ATG2B: variants seen among roughly 807,000 people sequenced by gnomAD.
The protein encoded by ATG2B is autophagy-related protein 2 homolog B.
A neutral mutation model predicts 241.3 loss-of-function variants in ATG2B; 121 were observed. The ratio of observed to expected loss-of-function variants is 0.50; its 90% CI spans 0.43 to 0.58. The LOEUF is 0.58. Ranked by LOEUF, ATG2B falls within the 20% of genes least tolerant of loss-of-function variation. The pLI is 0.00. For synonymous variants in ATG2B, 858 were observed against 876.6 expected, an observed-to-expected ratio of 0.98 and a Z score of 0.37; for missense variants, 2,306 against 2,491.6, an observed-to-expected ratio of 0.93 and a Z score of 1.59.
intron 6 of ATG2B, among the ~76,000 whole-genome samples, chr14:96,338,716 G>C (rs1887931683): frequency 6.6e-6 from 1 of 152,040 alleles, no homozygotes; most frequent in Admixed American, 6.6e-5. Context: ...AAACTCTTCT[G>C]GACATTGGCT....
intron 34 of ATG2B, among the ~76,000 whole-genome samples, chr14:96,296,238 T>C (rs1886637383): frequency 6.6e-6 from 1 of 152,208 alleles, no homozygotes; most frequent in African/African-American, 2.4e-5. Flanking sequence ...ATACATTTCA[T>C]CATTGAACAT....
chr14:96,313,425 AAG>A lies in ATG2B; in HGVS notation c.3651_3652del (p.Phe1218LeufsTer5). On this transcript the variant is annotated frameshift_variant, in exon 24 of 42. Coordinates refer to ENST00000359933, the MANE Select transcript of ATG2B (RefSeq NM_018036.7). LOFTEE classifies it high-confidence loss of function. ...AACAGGTTCATCAGCAATATTCAAG[AAG>A]TATAAAATCTATAATCACAAAAAAT... The A allele has an allele frequency of 2.6e-6, 4 of 1,562,398 alleles. No individual in the cohort carries two copies. Among genetic ancestry groups the A allele is most frequent in the Non-Finnish European group, 3.5e-6 (4 of 1,157,194 alleles).
chr14:96,326,917 AACC>A (rs1179893733), intron 14 of ATG2B, among the ~76,000 whole-genome samples: 2 of 152,188 alleles, frequency 1.3e-5, no homozygotes, highest in African/African-American at 2.4e-5. Context: ...GCTAATATTT[AACC>A]ACCACTCTCA....
chr14:96,331,229 A>T, intron 11 of ATG2B, 147 bp downstream of exon 11: 1 of 786,398 alleles, frequency 1.3e-6, no homozygotes, highest in Non-Finnish European at 2.0e-6. Flanking sequence ...AGAAAACTTC[A>T]CTCATTCCAT....
chr14:96,329,391 T>C, intron 12 of ATG2B, 93 bp downstream of exon 12: 7 of 862,812 alleles, frequency 8.1e-6, no homozygotes, highest in Non-Finnish European at 1.2e-5. Context: ...TGGCTTTCTA[T>C]ACATTTTTAA....
Position 96,282,540 on chromosome 14 carries a change from GA to G in ATG2B, c.*3214del, listed in dbSNP as rs1231870104. ...CAAGTCACACAGCTCTTTACACATT[GA>G]AAATCTGAGTTAATGTTAAGACAAT... On this transcript the variant is annotated 3_prime_UTR_variant, in exon 42 of 42. Coordinates refer to ENST00000359933, the MANE Select transcript of ATG2B (RefSeq NM_018036.7). The G allele has an allele frequency of 2.0e-5, 3 of 152,248 alleles. No homozygotes were observed. The highest frequency in any genetic ancestry group is 7.2e-5 in the African/African-American group (3 of 41,456). The allele number at this position is 152,248 out of a possible 1,614,324, so 9.4% of individuals were successfully genotyped here. A position where few individuals can be genotyped will look rare whatever the true frequency, so the allele number is the denominator to read the frequency against.
In ATG2B at chr14:96,307,351, C is replaced by T. The variant is rs564937873; in HGVS notation, c.4304-435G>A. Among the ~76,000 whole-genome samples the T allele has an allele frequency of 9.2e-5, 14 of 152,126 alleles. No homozygotes were observed. The East Asian group carries it at 1.9e-3, about 21-fold the overall frequency. ...GTTTGAAGCCGGGAGGTGGAGGTTG[C>T]AGTGAGCTGACATCACACCACTGCA... On this transcript the variant is annotated intron_variant, in intron 29 of 41. Coordinates refer to ENST00000359933, the MANE Select transcript of ATG2B (RefSeq NM_018036.7).
rs934364753 is a variant in ATG2B, at chr14:96,305,635, T to C, written c.4687A>G (p.Lys1563Glu). The C allele has an allele frequency of 6.2e-7, 1 of 1,614,096 alleles. No homozygotes were observed. Among genetic ancestry groups the C allele is most frequent in the Non-Finnish European group, 8.5e-7 (1 of 1,179,962 alleles). ...GTGGGAGGGACTATTCCAAAATCCT[T>C]TCCTCCATAAAGATGCCAGACAAGA... ...VSLVWHLYGG[K>E]DFGIVPPTSP... The change falls in exon 31 of 42, where the codon AAG (lysine) becomes GAG (glutamate). Residue 1563 changes from lysine to glutamate, a missense_variant. Around this residue, in one of 2 missense-constraint regions of ATG2B, gnomAD observed 1,927 missense variants for 2,011.2 expected, o/e 0.96. Transcript: ENST00000359933.
chr14:96,286,436 G>A, intron 41 of ATG2B, among the ~76,000 whole-genome samples: 1 of 151,996 alleles, frequency 6.6e-6, no homozygotes. Context: ...TATGTATTAG[G>A]AAAAAAATGG....
rs200262517 is a variant in ATG2B at position 96,305,725 on chromosome 14, C to G, written c.4597G>C (p.Asp1533His). ...AAGTGTAAGGGGGCTTTGCTCGTAT[C>G]GGTCTTATTAACGGGCAGACTGAAA... ...NYFSLPVNKT[D>H]TSKAPLHFPI... The change falls in exon 31 of 42, where the codon GAT (aspartate) becomes CAT (histidine). Residue 1533 changes from aspartate to histidine, a missense_variant. Asp to His is a moderately conservative substitution (Grantham distance 81, BLOSUM62 -1). Around this residue, in one of 2 missense-constraint regions of ATG2B, gnomAD observed 1,927 missense variants for 2,011.2 expected, o/e 0.96. Coordinates refer to ENST00000359933, the MANE Select transcript of ATG2B (RefSeq NM_018036.7). 7 of 1,614,048 alleles carry G rather than the reference C, an allele frequency of 4.3e-6. No homozygotes were observed. The highest frequency in any genetic ancestry group is 5.9e-6 in the Non-Finnish European group (7 of 1,180,026).
chr14:96,305,873 T>C, intron 30 of ATG2B, 58 bp from the exon 31 acceptor site: 1 of 1,332,866 alleles, frequency 7.5e-7, no homozygotes, highest in Non-Finnish European at 1.1e-6. Context: ...CAACTGATTA[T>C]GCTGCACATC....
chr14:96,354,109 G>A (rs12147175), intron 1 of ATG2B, among the ~76,000 whole-genome samples: 30,682 of 152,144 alleles, frequency 0.2, 3,864 homozygotes, highest in Non-Finnish European at 0.27. Context: ...GAGCAAACAT[G>A]GTTAAAGACC....
At chr14:96,336,796 T>C (rs1460051849) in intron 6 of ATG2B, among the ~76,000 whole-genome samples, 1 of 152,204 alleles carries the variant, frequency 6.6e-6, no homozygotes, top group Non-Finnish European at 1.5e-5. Flanking sequence ...GGATTCCCTG[T>C]AGAGTTTACA....
At chr14:96,306,986 G>A in intron 29 of ATG2B, 70 bp from the exon 30 acceptor site, 2 of 1,299,980 alleles carry the variant, frequency 1.5e-6, no homozygotes, top group Non-Finnish European at 2.2e-6. Context: ...TTAACCATGT[G>A]TCAGATATAT....
intron 8 of ATG2B, among the ~76,000 whole-genome samples, 189 bp downstream of exon 8, chr14:96,333,499 C>G (rs1324737727): frequency 6.6e-6 from 1 of 152,092 alleles, no homozygotes; most frequent in Non-Finnish European, 1.5e-5. Flanking sequence ...TACTATAGCA[C>G]CTATGTGCTG....
intron 36 of ATG2B, among the ~76,000 whole-genome samples, chr14:96,293,914 T>C (rs1886558342): frequency 6.6e-6 from 1 of 152,142 alleles, no homozygotes; most frequent in Non-Finnish European, 1.5e-5. Flanking sequence ...AAATTGGCAG[T>C]TTATAAATGT....
chr14:96,281,359 A>G lies in ATG2B; in HGVS notation c.*4396T>C, dbSNP rs1886193666. On this transcript the variant is annotated 3_prime_UTR_variant, in exon 42 of 42. Coordinates refer to ENST00000359933, the MANE Select transcript of ATG2B (RefSeq NM_018036.7). ...GGTACATTTCCACAAAAATATTTGT[A>G]CAGCATCAGTATTCTTATTCACATC... is the stretch of plus-strand genomic sequence containing the variant. 1 of 152,270 alleles carries G rather than the reference A, an allele frequency of 6.6e-6. No homozygotes were observed. The highest frequency in any genetic ancestry group is 1.5e-5 in the Non-Finnish European group (1 of 68,042). The allele number at this position is 152,270 out of a possible 1,614,324, so 9.4% of individuals were successfully genotyped here.
rs199502512 is a variant in ATG2B at position 96,340,209 on chromosome 14, TTGTGTG to T, written c.924+1307_924+1312del. Among the ~76,000 whole-genome samples the T allele has an allele frequency of 1.3e-3, 114 of 90,356 alleles. 2 individuals are homozygous for T. The East Asian group carries it at 0.036, about 28-fold the overall frequency. 59.3% of individuals were successfully genotyped at this position (90,356 alleles called of 152,430 possible). On this transcript the variant is annotated intron_variant, in intron 6 of 41. Coordinates refer to ENST00000359933, the MANE Select transcript of ATG2B (RefSeq NM_018036.7). ...CGTATATATATTCACACACACATCT[TTGTGTG>T]TGTGTGTGTGTGTGTGTGTATTTAT...
In ATG2B at chr14:96,362,877, G is replaced by A; in HGVS notation, c.100C>T (p.Gln34Ter). Residue 34 changes from glutamine (Q) to a stop codon, truncating the protein, a stop_gained, in exon 1 of 42, where the codon CAG (glutamine) becomes TAG (stop). Coordinates refer to ENST00000359933, the MANE Select transcript of ATG2B (RefSeq NM_018036.7). LOFTEE classifies it high-confidence loss of function. ...HFLQEKLSLEQLSLDLYQGTG... is the reference protein window; with the variant it reads ...HFLQEKLSLE Reference sequence around the variant, plus strand: ...CCTTGGTACAGGTCCAGGCTGAGCTGCTCCAGGCTCAGCTTCTCCTGCAGA... The same window carrying A: ...CCTTGGTACAGGTCCAGGCTGAGCTACTCCAGGCTCAGCTTCTCCTGCAGA... 1 of 1,613,438 alleles carries A rather than the reference G, an allele frequency of 6.2e-7. No homozygotes were observed. The highest frequency in any genetic ancestry group is 8.5e-7 in the Non-Finnish European group (1 of 1,179,980).
Sources: gnomAD v4.1 joint callset for allele counts (sites outside exome capture counted in the v4.1 genomes callset) on GRCh38, gnomAD v4.1.1 for gene constraint, gnomAD v4.1.1 regional missense constraint, MANE v1.5 for transcripts, NCBI Gene and HGNC (gene_info 2026-07-23, HGNC 2026-07-21) for gene names.